GPC6: variants seen among roughly 807,000 people sequenced by gnomAD.
GPC6 encodes glypican-6.
Under a neutral mutation model 55.2 loss-of-function variants are expected in GPC6, and 14 were observed. The ratio of observed to expected loss-of-function variants is 0.25; its 90% confidence interval spans 0.17 to 0.40. The LOEUF (loss-of-function observed/expected upper bound fraction) is 0.40, where lower values mean the gene tolerates loss of function less well. Among genes scored for constraint, GPC6 ranks in the 10% least tolerant of loss-of-function variants. GPC6 has a pLI of 1.00. For synonymous variants in GPC6, 278 were observed against 259.6 expected, an observed-to-expected ratio of 1.07 and a Z score of -0.68; for missense variants, 641 against 708.5, an observed-to-expected ratio of 0.90 and a Z score of 1.08.
At chr13:93,892,717 T>G (rs1186956078) in intron 3 of GPC6, among the ~76,000 whole-genome samples, 1 of 152,150 alleles carries the variant, frequency 6.6e-6, no homozygotes, top group Non-Finnish European at 1.5e-5. Flanking sequence ...GAATTCACTC[T>G]TCTGTAATCT....
At chr13:94,238,745 TG>T (rs1231689765) in intron 4 of GPC6, among the ~76,000 whole-genome samples, 1 of 152,074 alleles carries the variant, frequency 6.6e-6, no homozygotes, top group Non-Finnish European at 1.5e-5. Context: ...GGCTGACACA[TG>T]GCAGTGAGGG....
intron 4 of GPC6, among the ~76,000 whole-genome samples, chr13:94,102,595 A>G (rs1885907176): frequency 6.6e-6 from 1 of 152,002 alleles, no homozygotes; most frequent in East Asian, 1.9e-4. Context: ...CATCCTCAGT[A>G]AGACATAAAT....
chr13:93,327,758 A>G (rs944142562), intron 1 of GPC6, among the ~76,000 whole-genome samples: 1 of 147,018 alleles, frequency 6.8e-6, no homozygotes, highest in African/African-American at 2.5e-5. Flanking sequence ...AAAATTATAT[A>G]TAATATATAT....
chr13:93,532,814 G>A (rs1881920115), intron 1 of GPC6, among the ~76,000 whole-genome samples: 1 of 152,152 alleles, frequency 6.6e-6, no homozygotes, highest in Non-Finnish European at 1.5e-5. Context: ...AATTCTCTCT[G>A]CATAACCATT....
intron 3 of GPC6, among the ~76,000 whole-genome samples, chr13:93,990,378 G>A (rs988999058): frequency 6.6e-6 from 1 of 152,024 alleles, no homozygotes; most frequent in Non-Finnish European, 1.5e-5. Context: ...GACTTTCAGG[G>A]CCTGCATGTG....
intron 3 of GPC6, among the ~76,000 whole-genome samples, chr13:93,875,326 G>A (rs1475606019): frequency 1.3e-5 from 2 of 151,886 alleles, no homozygotes; most frequent in Non-Finnish European, 2.9e-5. Flanking sequence ...GACTCTTCTC[G>A]GAAGGATCTC....
chr13:94,188,955 G>A (rs1008874679), intron 4 of GPC6, among the ~76,000 whole-genome samples: 1 of 152,102 alleles, frequency 6.6e-6, no homozygotes, highest in African/African-American at 2.4e-5. Context: ...CTAGTGCTGT[G>A]GAGAAGCAGC....
At chr13:94,231,612 C>T (rs1423203213) in intron 4 of GPC6, among the ~76,000 whole-genome samples, 8 of 152,102 alleles carry the variant, frequency 5.3e-5, no homozygotes, top group Admixed American at 2.6e-4. Context: ...ATTAAAAATT[C>T]ACACAAATTG....
At chr13:93,433,824 G>A (rs190526979) in intron 1 of GPC6, among the ~76,000 whole-genome samples, 36 of 152,174 alleles carry the variant, frequency 2.4e-4, no homozygotes, top group African/African-American at 7.5e-4. Context: ...CAGATTATAG[G>A]ACATGAATTT....
chr13:94,290,429 T>TAAAAA (rs532958421), intron 5 of GPC6, among the ~76,000 whole-genome samples: 132 of 98,618 alleles, frequency 1.3e-3, no homozygotes, highest in African/African-American at 2.7e-3. Flanking sequence ...TCTAGAAAGG[T>TAAAAA]AAAAAAAAAA....
intron 2 of GPC6, among the ~76,000 whole-genome samples, chr13:93,560,382 G>T (rs1875715841): frequency 6.6e-6 from 1 of 151,338 alleles, no homozygotes. Flanking sequence ...AAGTGTTGTG[G>T]TGTGTGCCTG....
chr13:93,564,521 A>G (rs543203267), intron 2 of GPC6, among the ~76,000 whole-genome samples: 2 of 152,304 alleles, frequency 1.3e-5, no homozygotes, highest in South Asian at 4.1e-4. Flanking sequence ...AAATCTTCAA[A>G]TTCAGTTATT....
chr13:93,923,137 G>A (rs1467241703), intron 3 of GPC6, among the ~76,000 whole-genome samples: 2 of 152,178 alleles, frequency 1.3e-5, no homozygotes, highest in Non-Finnish European at 2.9e-5. Flanking sequence ...ACTGTTCTGT[G>A]TACCAGAAGT....
At chr13:93,698,704 T>G (rs1333030036) in intron 2 of GPC6, among the ~76,000 whole-genome samples, 2 of 152,018 alleles carry the variant, frequency 1.3e-5, no homozygotes, top group African/African-American at 4.8e-5. Context: ...AGAAATCCTT[T>G]TATTTATTTA....
rs1187467337 is a variant in GPC6 at position 93,825,840 on chromosome 13, A to AT, written c.320-4308dup. 2.3e-5 allele frequency among the ~76,000 whole-genome samples: 3 copies of AT among 132,196 alleles called. No individual in the cohort carries two copies. The East Asian group carries it at 6.6e-4, about 29-fold the overall frequency. The allele number at this position is 132,196 out of a possible 152,430, so 86.7% of individuals were successfully genotyped here. The stretch of plus-strand genomic sequence containing the variant: ...TATAGGATGTCAGCTTTCATCTTTT[A>AT]TTTTTTATTTTATTATTTTCTTTTT... On this transcript the variant is annotated intron_variant, in intron 2 of 8. Transcript: ENST00000377047.
At chr13:93,797,596 C>T (rs1886239589) in intron 2 of GPC6, among the ~76,000 whole-genome samples, 1 of 152,138 alleles carries the variant, frequency 6.6e-6, no homozygotes, top group Non-Finnish European at 1.5e-5. Flanking sequence ...GGAAGTGGCT[C>T]TTTTGTTCTC....
intron 2 of GPC6, among the ~76,000 whole-genome samples, chr13:93,669,929 G>A (rs1324727499): frequency 1.3e-5 from 2 of 152,118 alleles, no homozygotes; most frequent in African/African-American, 2.4e-5. Flanking sequence ...AAAGTATTTA[G>A]CAACATATTT....
chr13:94,212,158 T>C (rs1890099877), intron 4 of GPC6, among the ~76,000 whole-genome samples: 1 of 152,222 alleles, frequency 6.6e-6, no homozygotes, highest in African/African-American at 2.4e-5. Context: ...ATCATAGGCC[T>C]GTTAGTCCCA....
intron 2 of GPC6, among the ~76,000 whole-genome samples, chr13:93,775,026 C>T (rs1469232966): frequency 6.6e-6 from 1 of 152,162 alleles, no homozygotes. Context: ...GGAGCAAACA[C>T]AGATGCCCAG....
Sources: allele counts gnomAD v4.1 joint callset (sites outside exome capture counted in the v4.1 genomes callset), GRCh38; gene constraint gnomAD v4.1.1; transcripts MANE v1.5; gene names NCBI Gene and HGNC (gene_info 2026-07-23, HGNC 2026-07-21).